FCHO2: variants seen among roughly 807,000 people sequenced by gnomAD.
FCHO2 encodes FCH and mu domain containing endocytic adaptor 2.
Under a neutral mutation model 114.1 loss-of-function variants are expected in FCHO2, and 43 were observed. The observed-to-expected ratio is 0.38, with a 90% CI of 0.30 to 0.49. The LOEUF (loss-of-function observed/expected upper bound fraction) is 0.49. Among genes scored for constraint, FCHO2 ranks in the 20% least tolerant of loss-of-function variants. The pLI is 0.97. For synonymous variants in FCHO2, 293 were observed against 315.2 expected (o/e 0.93, Z 0.75); for missense variants, 807 against 950.4 (o/e 0.85, Z 1.98).
chr5:73,061,007 CAAA>C lies in FCHO2; in HGVS notation c.1345+2495_1345+2497del, dbSNP rs202006082. Among the ~76,000 whole-genome samples the C allele has an allele frequency of 3.6e-3, 466 of 129,470 alleles. 2 individuals carry two copies. In the Middle Eastern group the frequency reaches 0.04, roughly 11 times the overall value. The allele number at this position is 129,470 out of a possible 152,430, so 84.9% of individuals were successfully genotyped here. On this transcript the variant is annotated intron_variant, in intron 17 of 25. Coordinates refer to ENST00000430046, the MANE Select transcript of FCHO2 (RefSeq NM_138782.3). ...TGAATTAATTGAACTCTTGTGCTCA[CAAA>C]AAAAAAAAAAACCGCTTAAAATGAT... is the stretch of plus-strand genomic sequence containing the variant.
chr5:73,037,957 A>G lies in FCHO2; in HGVS notation c.914+742A>G, dbSNP rs1277430371. Reference sequence around the variant, plus strand: ...GTATTTTTAGTAGAGACAGGGTTTCACCATATTGGCCAGGCTGGTCGCGAA... The same window carrying G: ...GTATTTTTAGTAGAGACAGGGTTTCGCCATATTGGCCAGGCTGGTCGCGAA... On this transcript the variant is annotated intron_variant, in intron 10 of 25. Transcript: ENST00000430046. 1.5e-5 allele frequency: 4 copies of G among 266,154 alleles called. No homozygotes were observed. The East Asian group carries it at 4.3e-4, about 28-fold the overall frequency. 16.5% of individuals were successfully genotyped at this position (266,154 alleles called of 1,614,324 possible).
At chr5:73,015,857 G>T in intron 7 of FCHO2, 133 bp downstream of exon 7, 1 of 450,726 alleles carries the variant, frequency 2.2e-6, no homozygotes, top group Non-Finnish European at 3.9e-6. Context: ...AATATGTAAA[G>T]ATAATATATT....
chr5:73,043,084 A>G (rs1322998184), intron 11 of FCHO2, among the ~76,000 whole-genome samples: 3 of 151,618 alleles, frequency 2.0e-5, no homozygotes, highest in African/African-American at 7.3e-5. Flanking sequence ...ACATGTCACC[A>G]TGCCCAGCTG....
rs755540586 is a variant in FCHO2 at position 73,043,881 on chromosome 5, G to A, written c.939+2566G>A. Among the ~76,000 whole-genome samples, 8 of 152,182 alleles carry A rather than the reference G, an allele frequency of 5.3e-5. No individual in the cohort carries two copies. In the South Asian group the frequency reaches 1.2e-3, roughly 24 times the overall value. ...TTTTACTTATTTTATTTTGAGATGG[G>A]GTCTTGCTCTGTGGCTGATGTGACT... On this transcript the variant is annotated intron_variant, in intron 11 of 25. Coordinates refer to ENST00000430046, the MANE Select transcript of FCHO2 (RefSeq NM_138782.3).
At chr5:73,049,697 A>G (rs1197449474) in intron 11 of FCHO2, among the ~76,000 whole-genome samples, 1 of 152,208 alleles carries the variant, frequency 6.6e-6, no homozygotes, top group Non-Finnish European at 1.5e-5. Flanking sequence ...TGATGTGACC[A>G]GAAAACCCCT....
Position 73,048,969 on chromosome 5 carries a change from C to T in FCHO2, c.940-2380C>T, listed in dbSNP as rs545831103. Among the ~76,000 whole-genome samples the T allele has an allele frequency of 2.0e-3, 297 of 149,782 alleles. 2 individuals are homozygous for T. The highest frequency in any genetic ancestry group is 6.4e-3 in the African/African-American group (261 of 40,684). ...TCGGCTCACTGCAAGCTCCGCCTCC[C>T]GGGTTCACGCCATTCTCCTGCCTCA... On this transcript the variant is annotated intron_variant, in intron 11 of 25. Transcript: ENST00000430046.
rs556076474 is a variant in FCHO2, at chr5:73,049,127, C to T, written c.940-2222C>T. ...TCCTGACCTCGTGATCCGCCCGCCT[C>T]GGCCTCCCAAAGTGCTGGGATTACA... On this transcript the variant is annotated intron_variant, in intron 11 of 25. Coordinates refer to ENST00000430046, the MANE Select transcript of FCHO2 (RefSeq NM_138782.3). Among the ~76,000 whole-genome samples the T allele has an allele frequency of 7.4e-3, 1,119 of 152,030 alleles. 17 individuals carry two copies. Among genetic ancestry groups the T allele is most frequent in the African/African-American group, 0.025 (1,050 of 41,498 alleles).
intron 18 of FCHO2, among the ~76,000 whole-genome samples, chr5:73,067,978 G>T (rs190600335): frequency 9.2e-5 from 14 of 151,832 alleles, no homozygotes; most frequent in Non-Finnish European, 1.8e-4. Flanking sequence ...GAATTGAGTC[G>T]CTCAAACCTT....
At chr5:73,036,863 A>C (rs1756537708) in intron 9 of FCHO2, among the ~76,000 whole-genome samples, 1 of 152,186 alleles carries the variant, frequency 6.6e-6, no homozygotes, top group South Asian at 2.1e-4. Flanking sequence ...TATGCTTATT[A>C]TGTGTAAGGT....
Position 73,088,240 on chromosome 5 carries a change from A to C in FCHO2, c.*150A>C, listed in dbSNP as rs1743375251. The C allele has an allele frequency of 1.1e-6, 1 of 948,022 alleles. No individual in the cohort carries two copies. The allele number at this position is 948,022 out of a possible 1,614,324, so 58.7% of individuals were successfully genotyped here. A position where few individuals can be genotyped will look rare whatever the true frequency, so the allele number is the denominator to read the frequency against. On this transcript the variant is annotated 3_prime_UTR_variant, in exon 26 of 26. Transcript: ENST00000430046. ...TACAAACATTAAATCGCACTTTTAA[A>C]GTGAGTCATTGAAATAAATAGTACT...
chr5:72,958,878 C>T (rs989604770), intron 1 of FCHO2, among the ~76,000 whole-genome samples: 3 of 152,064 alleles, frequency 2.0e-5, no homozygotes, highest in South Asian at 2.1e-4. Context: ...AGTTATGTTT[C>T]GTTTTCTGTT....
rs531483618 is a variant in FCHO2 at position 72,984,136 on chromosome 5, A to G, written c.126-5291A>G. Among the ~76,000 whole-genome samples the G allele has an allele frequency of 2.6e-5, 4 of 152,224 alleles. No homozygotes were observed. The East Asian group carries it at 7.7e-4, about 29-fold the overall frequency. On this transcript the variant is annotated intron_variant, in intron 2 of 25. Coordinates refer to ENST00000430046, the MANE Select transcript of FCHO2 (RefSeq NM_138782.3). ...TTGCATTTCTCTGGTGAATAATGGGATGATATATTTTTCTTTTTCTCTCCT... is the reference window on the plus strand; with the variant it reads ...TTGCATTTCTCTGGTGAATAATGGGGTGATATATTTTTCTTTTTCTCTCCT...
chr5:73,035,746 A>G (rs1271680554), intron 9 of FCHO2, among the ~76,000 whole-genome samples: 1 of 151,348 alleles, frequency 6.6e-6, no homozygotes, highest in Admixed American at 6.6e-5. Context: ...CAAGTGATCC[A>G]TCCACCTTAG....
chr5:73,084,386 C>G (rs1454726793), intron 24 of FCHO2, among the ~76,000 whole-genome samples: 1 of 152,154 alleles, frequency 6.6e-6, no homozygotes, highest in African/African-American at 2.4e-5. Flanking sequence ...CTGCCTCAGC[C>G]TCCCGAGTAG....
chr5:73,017,522 C>T (rs534062252), intron 8 of FCHO2, among the ~76,000 whole-genome samples: 2 of 151,996 alleles, frequency 1.3e-5, no homozygotes, highest in African/African-American at 4.8e-5. Flanking sequence ...ATTTTTATGT[C>T]TGATGATACA....
chr5:73,055,285 T>C (rs574898113), intron 15 of FCHO2, among the ~76,000 whole-genome samples: 3 of 152,186 alleles, frequency 2.0e-5, no homozygotes, highest in African/African-American at 7.2e-5. Context: ...TATTGAAGAA[T>C]AGCACAATAA....
intron 6 of FCHO2, among the ~76,000 whole-genome samples, chr5:73,014,792 A>G (rs1755211497): frequency 6.6e-6 from 1 of 152,064 alleles, no homozygotes; most frequent in African/African-American, 2.4e-5. Context: ...TAATGGCTCC[A>G]AATTCGGCTG....
chr5:72,966,594 G>T (rs1218971816), intron 1 of FCHO2, among the ~76,000 whole-genome samples: 1 of 152,166 alleles, frequency 6.6e-6, no homozygotes, highest in Non-Finnish European at 1.5e-5. Flanking sequence ...ATATTATCTT[G>T]TTACAGATGT....
At chr5:73,070,570 T>G (rs1338934782) in intron 19 of FCHO2, among the ~76,000 whole-genome samples, 1 of 151,792 alleles carries the variant, frequency 6.6e-6, no homozygotes, top group Non-Finnish European at 1.5e-5. Flanking sequence ...TTTAGGTTTT[T>G]TTTTTTTTTT....
Sources: allele counts gnomAD v4.1 joint callset (sites outside exome capture counted in the v4.1 genomes callset), GRCh38; gene constraint gnomAD v4.1.1; transcripts MANE v1.5; gene names NCBI Gene and HGNC (gene_info 2026-07-23, HGNC 2026-07-21).